MEI4: variants seen among roughly 807,000 people sequenced by gnomAD.
MEI4 encodes the protein meiotic double-stranded break formation protein 4, also known as meiosis-specific protein MEI4.
Under a neutral mutation model 31.4 loss-of-function variants are expected in MEI4, and 27 were observed. The observed-to-expected ratio is 0.86, with a 90% confidence interval of 0.63 to 1.19. The LOEUF (loss-of-function observed/expected upper bound fraction) is 1.19. Ranked by LOEUF, MEI4 falls within the 50% of genes most tolerant of loss-of-function variation. The pLI, the probability that MEI4 is intolerant of heterozygous loss-of-function variation, is 0.00. For missense variants in MEI4, 329 were observed against 398.9 expected (o/e 0.82, Z 1.49); for synonymous variants, 122 against 145.4 (o/e 0.84, Z 1.16).
At chr6:77,895,045 T>G (rs1766052586) in intron 4 of MEI4, among the ~76,000 whole-genome samples, 1 of 152,214 alleles carries the variant, frequency 6.6e-6, no homozygotes, top group African/African-American at 2.4e-5. Flanking sequence ...CAGCTTTGAT[T>G]TCTTTTCTCA....
chr6:77,732,740 T>C (rs917780509), intron 2 of MEI4, among the ~76,000 whole-genome samples: 2 of 152,110 alleles, frequency 1.3e-5, no homozygotes, highest in African/African-American at 4.8e-5. Flanking sequence ...TTTTTGCCCA[T>C]TCAGTATGAT....
intron 1 of MEI4, among the ~76,000 whole-genome samples, chr6:77,664,192 G>T (rs1768574854): frequency 6.6e-6 from 1 of 152,140 alleles, no homozygotes; most frequent in Non-Finnish European, 1.5e-5. Context: ...AAATCCTGTT[G>T]TGGGGTTTGA....
intron 3 of MEI4, among the ~76,000 whole-genome samples, chr6:77,791,964 C>T (rs1768949642): frequency 6.6e-6 from 1 of 152,188 alleles, no homozygotes; most frequent in South Asian, 2.1e-4. Context: ...CTCAACCCTG[C>T]ACTGATAACC....
intron 4 of MEI4, among the ~76,000 whole-genome samples, chr6:77,834,033 G>T (rs1419121375): frequency 1.3e-5 from 2 of 152,020 alleles, no homozygotes; most frequent in Non-Finnish European, 2.9e-5. Context: ...TATCATTGAT[G>T]GGCACTTGGG....
chr6:77,753,865 T>A (rs1767846018), intron 2 of MEI4, among the ~76,000 whole-genome samples: 1 of 152,084 alleles, frequency 6.6e-6, no homozygotes, highest in South Asian at 2.1e-4. Context: ...TACCCATCAA[T>A]GATAGACTGG....
rs547720331 is a variant in MEI4 at position 77,745,894 on chromosome 6, G to C, written c.233-15236G>C. ...TACTGGGTACATAATGAAATGAAGG[G>C]AGAAATAAAGATGTTCTTTGAAACC... On this transcript the variant is annotated intron_variant, in intron 2 of 4. Coordinates refer to ENST00000684080, the MANE Select transcript of MEI4 (RefSeq NM_001322247.2). Among the ~76,000 whole-genome samples, 59 of 152,084 alleles carry C rather than the reference G, an allele frequency of 3.9e-4. No homozygotes were observed. In the East Asian group the frequency reaches 9.7e-3, roughly 25 times the overall value.
At chr6:77,734,200 A>AT (rs1173854780) in intron 2 of MEI4, among the ~76,000 whole-genome samples, 3 of 151,936 alleles carry the variant, frequency 2.0e-5, no homozygotes, top group South Asian at 2.1e-4. Context: ...TTTCTGTCTC[A>AT]TGATCTGTCT....
intron 2 of MEI4, among the ~76,000 whole-genome samples, chr6:77,709,182 A>AT (rs906482698): frequency 3.9e-5 from 6 of 152,150 alleles, no homozygotes; most frequent in African/African-American, 1.4e-4. Flanking sequence ...TATGTCAGCT[A>AT]TTTTTTTGTG....
intron 2 of MEI4, among the ~76,000 whole-genome samples, chr6:77,746,003 C>T (rs1359400364): frequency 6.6e-6 from 1 of 151,770 alleles, no homozygotes; most frequent in Non-Finnish European, 1.5e-5. Context: ...CACTAAATGC[C>T]CACAAGAGAA....
intron 3 of MEI4, among the ~76,000 whole-genome samples, chr6:77,798,060 A>C (rs985751016): frequency 6.6e-6 from 1 of 152,136 alleles, no homozygotes; most frequent in Admixed American, 6.6e-5. Context: ...CTAAACTAGA[A>C]TAAGTTTGCT....
intron 3 of MEI4, among the ~76,000 whole-genome samples, chr6:77,770,661 A>T (rs1202733141): frequency 6.6e-6 from 1 of 152,190 alleles, no homozygotes; most frequent in Non-Finnish European, 1.5e-5. Context: ...CACATAAACC[A>T]ATGGAATAGA....
At chr6:77,782,772 CAT>C (rs1768626737) in intron 3 of MEI4, among the ~76,000 whole-genome samples, 3 of 152,080 alleles carry the variant, frequency 2.0e-5, no homozygotes, top group Non-Finnish European at 2.9e-5. Flanking sequence ...CTGTTTTGCA[CAT>C]GAGTAAGATT....
chr6:77,739,509 G>A (rs755989901), intron 2 of MEI4, among the ~76,000 whole-genome samples: 13 of 152,118 alleles, frequency 8.5e-5, no homozygotes, highest in Non-Finnish European at 1.6e-4. Flanking sequence ...ACTCATAAGT[G>A]GAAGTTGAAC....
rs1379648810 is a variant in MEI4 at position 77,761,261 on chromosome 6, G to A, written c.364G>A (p.Val122Met). 1 of 1,232,510 alleles carries A rather than the reference G, an allele frequency of 8.1e-7. No individual in the cohort carries two copies. The highest frequency in any genetic ancestry group is 1.0e-6 in the Non-Finnish European group (1 of 988,062). The allele number at this position is 1,232,510 out of a possible 1,614,324, so 76.3% of individuals were successfully genotyped here. A position where few individuals can be genotyped will look rare whatever the true frequency, so the allele number is the denominator to read the frequency against. Reference protein sequence around the residue: ...TESSDLSQHFVESCTPTHFPP... With the variant: ...TESSDLSQHFMESCTPTHFPP... ...ATCCTCAGACCTGTCCCAGCACTTT[G>A]TGGAAAGCTGTACCCCCACTCACTT... Residue 122 changes from valine to methionine, a missense_variant, in exon 3 of 5, where the codon GTG becomes ATG. Physicochemically the swap from Val to Met is conservative, Grantham distance 21. Transcript: ENST00000684080.
At chr6:77,892,229 T>C (rs938869054) in intron 4 of MEI4, among the ~76,000 whole-genome samples, 1 of 152,158 alleles carries the variant, frequency 6.6e-6, no homozygotes, top group Non-Finnish European at 1.5e-5. Context: ...GGTGCTTGCA[T>C]GTCATTGCCA....
chr6:77,795,722 T>C (rs1167672490), intron 3 of MEI4, among the ~76,000 whole-genome samples: 2 of 147,814 alleles, frequency 1.4e-5, no homozygotes, highest in South Asian at 2.1e-4. Context: ...CCTGAAGAAA[T>C]AGAAAATCTT....
At chr6:77,730,385 G>A (rs139493250) in intron 2 of MEI4, among the ~76,000 whole-genome samples, 3 of 151,878 alleles carry the variant, frequency 2.0e-5, no homozygotes, top group Admixed American at 6.6e-5. Context: ...ATAAGTGTTC[G>A]CCTTCTCTCA....
upstream of MEI4, among the ~76,000 whole-genome samples, chr6:77,651,141 T>G (rs1768291622): frequency 6.6e-6 from 1 of 152,082 alleles, no homozygotes; most frequent in Non-Finnish European, 1.5e-5. Context: ...ACATGGGGGC[T>G]TGAGGGAGAA....
intron 3 of MEI4, among the ~76,000 whole-genome samples, chr6:77,824,275 A>C (rs1434588053): frequency 6.6e-6 from 1 of 152,028 alleles, no homozygotes; most frequent in East Asian, 1.9e-4. Flanking sequence ...TTTTTAGTAG[A>C]GATGTATTTT....
Sources: gnomAD v4.1 joint callset for allele counts (sites outside exome capture counted in the v4.1 genomes callset) on GRCh38, gnomAD v4.1.1 for gene constraint, MANE v1.5 for transcripts, NCBI Gene and HGNC (gene_info 2026-07-23, HGNC 2026-07-21) for gene names.